OSMR: variants seen among roughly 807,000 people sequenced by gnomAD.
OSMR encodes oncostatin-M-specific receptor subunit beta.
In OSMR, 81 loss-of-function variants were observed where a neutral mutation model predicts 99.9. That is an observed-to-expected ratio of 0.81 (90% CI 0.68 to 0.97). The LOEUF (loss-of-function observed/expected upper bound fraction) is 0.97, where lower values mean the gene tolerates loss of function less well. OSMR is among the 50% of genes least tolerant of loss of function. OSMR has a pLI of 0.00. For synonymous variants in OSMR, 406 were observed against 410.4 expected, an observed-to-expected ratio of 0.99 and a Z score of 0.13; for missense variants, 1,099 against 1,153.4, an observed-to-expected ratio of 0.95 and a Z score of 0.68.
At position 38,944,555 on chromosome 5, in the gene OSMR, G is replaced by A. The variant is rs777877219; in HGVS notation, c.*86+236G>A. 58 of 1,599,892 alleles carry A rather than the reference G, an allele frequency of 3.6e-5. No homozygotes were observed. Among genetic ancestry groups the A allele is most frequent in the Non-Finnish European group, 4.8e-5 (56 of 1,175,286 alleles). The stretch of plus-strand genomic sequence containing the variant: ...ATACGGCACATTGGTGTATCATCTG[G>A]AATTGTTTTAACACCTGAAAAGATT... On this transcript the variant is annotated intron_variant and NMD_transcript_variant, in intron 2 of 2. Transcript: ENST00000508882.
chr5:38,862,413 C>G (rs1372426094), intron 1 of OSMR, among the ~76,000 whole-genome samples: 30 of 121,812 alleles, frequency 2.5e-4, no homozygotes, highest in African/African-American at 4.9e-4. Flanking sequence ...GCTGGCCGGG[C>G]GGGGGCTGAC....
intron 1 of OSMR, among the ~76,000 whole-genome samples, chr5:38,848,923 G>T (rs575119646): frequency 1.2e-3 from 187 of 150,430 alleles, no homozygotes; most frequent in Non-Finnish European, 2.3e-3. Context: ...ACAGGCACAT[G>T]ACACCACACC....
intron 1 of OSMR, among the ~76,000 whole-genome samples, chr5:38,859,227 A>G (rs1178865368): frequency 6.6e-6 from 1 of 152,072 alleles, no homozygotes; most frequent in African/African-American, 2.4e-5. Flanking sequence ...GTATTTTTAT[A>G]GTTTAGGCAT....
chr5:38,873,730 G>A (rs984405726), intron 2 of OSMR, among the ~76,000 whole-genome samples: 1 of 152,118 alleles, frequency 6.6e-6, no homozygotes, highest in African/African-American at 2.4e-5. Flanking sequence ...AATTTCCTTA[G>A]TGACTAATGA....
intron 2 of OSMR, chr5:38,944,425 T>C (rs757392504): frequency 6.3e-7 from 1 of 1,587,538 alleles, no homozygotes. Flanking sequence ...CAAATAATAC[T>C]CATGCACATA....
chr5:38,885,858 T>G, intron 6 of OSMR, 181 bp from the exon 7 acceptor site: 6 of 984,538 alleles, frequency 6.1e-6, no homozygotes, highest in Non-Finnish European at 7.2e-6. Flanking sequence ...TCAGCACGTA[T>G]GTCAAATTTG....
intron 11 of OSMR, chr5:38,921,399 TG>T: frequency 1.3e-6 from 1 of 751,522 alleles, no homozygotes; most frequent in Non-Finnish European, 1.6e-6. Flanking sequence ...GTCAACATGA[TG>T]GGCATCTGAA....
At chr5:38,892,384 C>T (rs190691358) in intron 7 of OSMR, among the ~76,000 whole-genome samples, 40 of 152,238 alleles carry the variant, frequency 2.6e-4, no homozygotes, top group African/African-American at 6.3e-4. Flanking sequence ...CCAGCCTGCC[C>T]CACCCCATCA....
chr5:38,880,712 G>A (rs1170510660), intron 3 of OSMR, among the ~76,000 whole-genome samples: 1 of 152,232 alleles, frequency 6.6e-6, no homozygotes, highest in Non-Finnish European at 1.5e-5. Flanking sequence ...ATATCCAGAA[G>A]TGTGGGGGAG....
rs76061572 is a variant in OSMR, at chr5:38,910,072, T to C, written c.1285+5569T>C. On this transcript the variant is annotated intron_variant, in intron 9 of 17. Transcript: ENST00000274276. ...CAAAACAGAAAAAAGCAGGGATTGG[T>C]ATTCCAATTTCTGTCAAAATTTATT... Among the ~76,000 whole-genome samples the C allele has an allele frequency of 8.3e-3, 1,263 of 152,248 alleles. 22 individuals are homozygous for C. The highest frequency in any genetic ancestry group is 0.029 in the African/African-American group (1,190 of 41,532).
At chr5:38,880,981 CAG>C (rs1450371234) in intron 3 of OSMR, among the ~76,000 whole-genome samples, 1 of 152,180 alleles carries the variant, frequency 6.6e-6, no homozygotes, top group Non-Finnish European at 1.5e-5. Flanking sequence ...AAGAGTCTGA[CAG>C]ATGGAGCCCA....
chr5:38,901,438 C>T (rs1744884639), intron 7 of OSMR, among the ~76,000 whole-genome samples: 1 of 152,162 alleles, frequency 6.6e-6, no homozygotes, highest in Non-Finnish European at 1.5e-5. Flanking sequence ...TAATCGAGCT[C>T]TGTTGAGCCT....
intron 14 of OSMR, among the ~76,000 whole-genome samples, chr5:38,924,877 C>CT (rs3056139): frequency 1.2e-4 from 18 of 149,092 alleles, no homozygotes; most frequent in African/African-American, 2.7e-4. Flanking sequence ...AAACTTTCCT[C>CT]TTTTTTTTTT....
Position 38,924,690 on chromosome 5 carries a change from G to C in OSMR, c.2044+95G>C. On this transcript the variant is annotated intron_variant, in intron 14 of 17. Coordinates refer to ENST00000274276, the MANE Select transcript of OSMR (RefSeq NM_003999.3). Reference sequence around the variant, plus strand: ...GGCTGCCATCTCAGACTGTGGCCAGGCTGAATTCCCTTCTTGCATGGCTTT... The same window carrying C: ...GGCTGCCATCTCAGACTGTGGCCAGCCTGAATTCCCTTCTTGCATGGCTTT... 3.7e-6 allele frequency: 4 copies of C among 1,090,830 alleles called. No individual in the cohort carries two copies. In the Admixed American group the frequency reaches 6.9e-5, roughly 19 times the overall value. The allele number at this position is 1,090,830 out of a possible 1,614,324, so 67.6% of individuals were successfully genotyped here.
intron 9 of OSMR, among the ~76,000 whole-genome samples, chr5:38,913,586 G>C (rs1745730141): frequency 6.7e-6 from 1 of 149,934 alleles, no homozygotes; most frequent in Admixed American, 6.6e-5. Context: ...GACATGAACA[G>C]AGAGTTCTGA....
At chr5:38,919,620 T>G (rs1746130390) in intron 11 of OSMR, 2 of 289,796 alleles carry the variant, frequency 6.9e-6, no homozygotes, top group Non-Finnish European at 1.3e-5. Flanking sequence ...AATAGTGATA[T>G]TAATTTCCTT....
chr5:38,930,256 A>G (rs1314627808), intron 15 of OSMR, among the ~76,000 whole-genome samples: 1 of 152,218 alleles, frequency 6.6e-6, no homozygotes, highest in Non-Finnish European at 1.5e-5. Flanking sequence ...TAAGATTCAT[A>G]AAGAGAGTTT....
At position 38,924,496 on chromosome 5, in the gene OSMR, T is replaced by G. The variant is rs753383923; in HGVS notation, c.1945T>G (p.Ser649Ala). Residue 649 changes from serine to alanine, a missense_variant, in exon 14 of 18, where the codon TCT becomes GCT. By Grantham distance (99) the Ser-to-Ala change is moderately conservative. Coordinates refer to ENST00000274276, the MANE Select transcript of OSMR (RefSeq NM_003999.3). Reference sequence around the variant, plus strand: ...CTTCACTCTGAGTTGGAAAGATTACTCTACTGAATCTCAACCTGGTTTTAT... The same window carrying G: ...CTTCACTCTGAGTTGGAAAGATTACGCTACTGAATCTCAACCTGGTTTTAT... ...HSFTLSWKDY[S>A]TESQPGFIQG... 6.2e-7 allele frequency: 1 copy of G among 1,614,098 alleles called. No individual in the cohort carries two copies.
intron 11 of OSMR, 138 bp from the exon 12 acceptor site, chr5:38,921,476 CA>C: frequency 6.6e-7 from 1 of 1,506,866 alleles, no homozygotes; most frequent in South Asian, 1.3e-5. Flanking sequence ...ATCCCCCACC[CA>C]AGCACCTGTA....
Sources: gnomAD v4.1 joint callset for allele counts (sites outside exome capture counted in the v4.1 genomes callset) on GRCh38, gnomAD v4.1.1 for gene constraint, MANE v1.5 for transcripts, NCBI Gene and HGNC (gene_info 2026-07-23, HGNC 2026-07-21) for gene names.